KCNQ1: variants seen among roughly 807,000 people sequenced by gnomAD.
KCNQ1 encodes the protein potassium voltage-gated channel subfamily Q member 1.
Under a neutral mutation model 72.4 loss-of-function variants are expected in KCNQ1, and 49 were observed. That is an observed-to-expected ratio of 0.68 (90% confidence interval 0.54 to 0.86). KCNQ1 has a LOEUF of 0.86. Among genes scored for constraint, KCNQ1 ranks in the 40% least tolerant of loss-of-function variants. The probability of loss-of-function intolerance (pLI) is 0.00; values close to 1 mark genes in which losing one functional copy is unlikely to be tolerated. For synonymous variants in KCNQ1, 450 were observed against 412.6 expected (o/e 1.09, Z -1.10); for missense variants, 790 against 945.1 (o/e 0.84, Z 2.15).
chr11:2,582,955 A>C (rs1848524833), intron 6 of KCNQ1, among the ~76,000 whole-genome samples: 1 of 151,970 alleles, frequency 6.6e-6, no homozygotes, highest in East Asian at 1.9e-4. Context: ...CTCAGAAAAG[A>C]GGAAAATAAA....
At chr11:2,763,657 A>G (rs2133976386) in intron 11 of KCNQ1, among the ~76,000 whole-genome samples, 1 of 152,354 alleles carries the variant, frequency 6.6e-6, no homozygotes. Context: ...TCCTGGGCTC[A>G]AGCAGTCCGC....
At chr11:2,618,170 T>C (rs761988386) in intron 10 of KCNQ1, 3 of 398,406 alleles carry the variant, frequency 7.5e-6, no homozygotes, top group Non-Finnish European at 1.3e-5. Context: ...GTTTAGGTCT[T>C]TTATCCATTT....
chr11:2,571,541 G>GCA, intron 4 of KCNQ1, 138 bp downstream of exon 4: 1 of 745,950 alleles, frequency 1.3e-6, no homozygotes, highest in Non-Finnish European at 2.3e-6. Flanking sequence ...GGGGCACTGA[G>GCA]CCATGTGCTG....
At chr11:2,570,803 G>T (rs200068710) in intron 3 of KCNQ1, 49 bp downstream of exon 3, 2 of 1,603,530 alleles carry the variant, frequency 1.2e-6, no homozygotes, top group South Asian at 1.1e-5. Context: ...TCCAGACCAG[G>T]AAGGACCCCC....
rs1850231177 is a variant in KCNQ1, at chr11:2,673,685, G to A, written c.1514+11604G>A. 2 of 398,550 alleles carry A rather than the reference G, an allele frequency of 5.0e-6. No homozygotes were observed. Among genetic ancestry groups the A allele is most frequent in the Non-Finnish European group, 8.8e-6 (2 of 226,124 alleles). 24.7% of individuals were successfully genotyped at this position (398,550 alleles called of 1,614,324 possible). A position where few individuals can be genotyped will look rare whatever the true frequency, so the allele number is the denominator to read the frequency against. ...TCTGCATAGGTGTTTTCCTATAAAT[G>A]TTTAATTCCTGAGGTTGCTGAATCT... is the stretch of plus-strand genomic sequence containing the variant. On this transcript the variant is annotated intron_variant, in intron 11 of 15. Transcript: ENST00000155840. This position sits in a 1 kb window ranked among gnomAD's most constrained non-coding sequence, Gnocchi z 4.5.
chr11:2,758,759 C>T (rs993466673), intron 11 of KCNQ1, among the ~76,000 whole-genome samples: 7 of 152,192 alleles, frequency 4.6e-5, no homozygotes, highest in Non-Finnish European at 1.0e-4. Flanking sequence ...CTAAGCGGAT[C>T]TTACGGGAAT....
Position 2,677,403 on chromosome 11 carries a change from A to C in KCNQ1, c.1514+15322A>C, listed in dbSNP as rs1290676570. 2.5e-6 allele frequency: 1 copy of C among 398,508 alleles called. No homozygotes were observed. The highest frequency in any genetic ancestry group is 4.4e-6 in the Non-Finnish European group (1 of 226,076). 24.7% of individuals were successfully genotyped at this position (398,508 alleles called of 1,614,324 possible). A position where few individuals can be genotyped will look rare whatever the true frequency, so the allele number is the denominator to read the frequency against. On this transcript the variant is annotated intron_variant, in intron 11 of 15. Coordinates refer to ENST00000155840, the MANE Select transcript of KCNQ1 (RefSeq NM_000218.3). This position sits in a 1 kb window ranked among gnomAD's most constrained non-coding sequence, Gnocchi z 4.5. ...AGAGGAAACCAAGATCGATGCCTAG[A>C]TAAGCATTTCAGAGGACAGCAGGGG...
chr11:2,805,678 G>C (rs1257812138), intron 15 of KCNQ1, among the ~76,000 whole-genome samples: 1 of 152,220 alleles, frequency 6.6e-6, no homozygotes, highest in Non-Finnish European at 1.5e-5. Context: ...GCCCTTTAGA[G>C]AAAAGCGTGC....
In KCNQ1 at chr11:2,524,177, T is replaced by C. The variant is rs76009780; in HGVS notation, c.387-3751T>C. Among the ~76,000 whole-genome samples the C allele has an allele frequency of 6.5e-3, 995 of 152,130 alleles. 5 individuals carry two copies. The highest frequency in any genetic ancestry group is 0.02 in the Middle Eastern group (6 of 294). ...TGAGTTGGAGGAAGAGACGGGAGGATGGAAGCCAGGCTCGGCGACGGGAAA... is the reference window on the plus strand; with the variant it reads ...TGAGTTGGAGGAAGAGACGGGAGGACGGAAGCCAGGCTCGGCGACGGGAAA... On this transcript the variant is annotated intron_variant, in intron 1 of 15. Transcript: ENST00000155840.
chr11:2,545,883 A>G (rs1247065198), intron 2 of KCNQ1, among the ~76,000 whole-genome samples: 1 of 152,148 alleles, frequency 6.6e-6, no homozygotes, highest in Non-Finnish European at 1.5e-5. Flanking sequence ...CATTCCTGAT[A>G]CTAGTAATTT....
rs1050320150 is a variant in KCNQ1, at chr11:2,783,139, C to T, written c.1794+5102C>T. Among the ~76,000 whole-genome samples the T allele has an allele frequency of 6.6e-6, 1 of 152,122 alleles. No homozygotes were observed. The highest frequency in any genetic ancestry group is 1.5e-5 in the Non-Finnish European group (1 of 67,982). ...CCTTTAAATATCATCCAAACTACAT[C>T]TCCCACATTTTGATATATGGCATTT... is the stretch of plus-strand genomic sequence containing the variant. On this transcript the variant is annotated intron_variant, in intron 15 of 15. Coordinates refer to ENST00000155840, the MANE Select transcript of KCNQ1 (RefSeq NM_000218.3). The surrounding 1 kb of genome is among the most constrained non-coding windows in gnomAD (Gnocchi z 5.2).
rs187041620 is a variant in KCNQ1, at chr11:2,598,671, A to G, written c.1393+9817A>G. Among the ~76,000 whole-genome samples, 32 of 151,482 alleles carry G rather than the reference A, an allele frequency of 2.1e-4. 1 individual carries two copies. The East Asian group carries it at 2.1e-3, about 10-fold the overall frequency. ...AGACAGGAAAATTAAATCTTCCTGT[A>G]CAATTATGTTTCTAAAAATTGAGTG... is the stretch of plus-strand genomic sequence containing the variant. On this transcript the variant is annotated intron_variant, in intron 10 of 15. Coordinates refer to ENST00000155840, the MANE Select transcript of KCNQ1 (RefSeq NM_000218.3). The surrounding 1 kb of genome is among the most constrained non-coding windows in gnomAD (Gnocchi z 6.2).
rs1846463291 is a variant in KCNQ1 at position 2,764,635 on chromosome 11, C to T, written c.1515-4209C>T. On this transcript the variant is annotated intron_variant, in intron 11 of 15. Coordinates refer to ENST00000155840, the MANE Select transcript of KCNQ1 (RefSeq NM_000218.3). The surrounding 1 kb of genome is among the most constrained non-coding windows in gnomAD (Gnocchi z 4.8). ...ATTTACTGGTGATGTCGTCTAGATA[C>T]AGAGTTTTCTTTGCCAGAAGATCAT... Among the ~76,000 whole-genome samples, 3 of 152,110 alleles carry T rather than the reference C, an allele frequency of 2.0e-5. No individual in the cohort carries two copies. In the South Asian group the frequency reaches 6.2e-4, roughly 32 times the overall value.
intron 1 of KCNQ1, among the ~76,000 whole-genome samples, chr11:2,455,273 A>G (rs1227733940): frequency 6.6e-6 from 1 of 151,812 alleles, no homozygotes; most frequent in Non-Finnish European, 1.5e-5. Context: ...AATTTTTTGT[A>G]TTTTTTAGTA....
In KCNQ1 at chr11:2,471,888, G is replaced by C. The variant is rs1846475549; in HGVS notation, c.386+26404G>C. 6.6e-6 allele frequency among the ~76,000 whole-genome samples: 1 copy of C among 151,978 alleles called. No individual in the cohort carries two copies. The highest frequency in any genetic ancestry group is 1.5e-5 in the Non-Finnish European group (1 of 67,964). On this transcript the variant is annotated intron_variant, in intron 1 of 15. Transcript: ENST00000155840. This position sits in a 1 kb window ranked among gnomAD's most constrained non-coding sequence, Gnocchi z 4.8. ...TATGTATGGGTGTGTGTGCACATGT[G>C]TATAGGTGTGTGTATGCGTGCACCT...
rs550699353 is a variant in KCNQ1 at position 2,824,842 on chromosome 11, A to G, written c.1795-22925A>G. 4.2e-4 allele frequency among the ~76,000 whole-genome samples: 64 copies of G among 152,334 alleles called. No individual in the cohort carries two copies. The highest frequency in any genetic ancestry group is 1.4e-3 in the African/African-American group (57 of 41,572). On this transcript the variant is annotated intron_variant, in intron 15 of 15. Transcript: ENST00000155840. The surrounding 1 kb of genome is among the most constrained non-coding windows in gnomAD (Gnocchi z 5.9). ...CCTGTCTCAGTGCCGTGCCGCATCC[A>G]TCCTGCCCCTGGCACCGGAGGGTAC...
At chr11:2,634,593 G>A (rs2133820699) in intron 10 of KCNQ1, 3 of 152,238 alleles carry the variant, frequency 2.0e-5, no homozygotes, top group African/African-American at 7.2e-5. Flanking sequence ...TGGACATTTG[G>A]GTTGGTTCCA....
At position 2,447,667 on chromosome 11, in the gene KCNQ1, T is replaced by A. The variant is rs1846060999; in HGVS notation, c.386+2183T>A. ...AGCCTTGCGCCAGTCCAGCCTTGTG[T>A]TGCTGTAAGAAGTCTTGGCAATGGT... On this transcript the variant is annotated intron_variant, in intron 1 of 15. Transcript: ENST00000155840. The surrounding 1 kb of genome is among the most constrained non-coding windows in gnomAD (Gnocchi z 7.6). Among the ~76,000 whole-genome samples the A allele has an allele frequency of 6.6e-6, 1 of 152,182 alleles. No homozygotes were observed. The highest frequency in any genetic ancestry group is 2.1e-4 in the South Asian group (1 of 4,832).
At position 2,623,697 on chromosome 11, in the gene KCNQ1, A is replaced by G. The variant is rs1162707495; in HGVS notation, c.1393+34843A>G. ...TGGAAGGACATCTCGGTTGCTTCCAATTTCAACAATCACAAATAAAGCTTC... is the reference window on the plus strand; with the variant it reads ...TGGAAGGACATCTCGGTTGCTTCCAGTTTCAACAATCACAAATAAAGCTTC... On this transcript the variant is annotated intron_variant, in intron 10 of 15. Coordinates refer to ENST00000155840, the MANE Select transcript of KCNQ1 (RefSeq NM_000218.3). This position sits in a 1 kb window ranked among gnomAD's most constrained non-coding sequence, Gnocchi z 5.2. The G allele has an allele frequency of 5.0e-6, 2 of 398,548 alleles. No homozygotes were observed. Among genetic ancestry groups the G allele is most frequent in the East Asian group, 3.6e-5 (1 of 28,062 alleles). 24.7% of individuals were successfully genotyped at this position (398,548 alleles called of 1,614,324 possible). A position where few individuals can be genotyped will look rare whatever the true frequency, so the allele number is the denominator to read the frequency against.
Sources: allele counts gnomAD v4.1 joint callset (sites outside exome capture counted in the v4.1 genomes callset), GRCh38; gene constraint gnomAD v4.1.1; non-coding constraint Gnocchi (gnomAD v3.1); transcripts MANE v1.5; gene names NCBI Gene and HGNC (gene_info 2026-07-23, HGNC 2026-07-21).